SNED1: variants seen among roughly 807,000 people sequenced by gnomAD.
SNED1 encodes the protein sushi, nidogen and EGF-like domain-containing protein 1.
In SNED1, 81 loss-of-function variants were observed where a neutral mutation model predicts 166.7. The observed-to-expected ratio is 0.49, with a 90% CI of 0.41 to 0.58. SNED1 has a LOEUF of 0.58. Among genes scored for constraint, SNED1 ranks in the 20% least tolerant of loss-of-function variants. The pLI, the probability that SNED1 is intolerant of heterozygous loss-of-function variation, is 0.00. For synonymous variants in SNED1, 762 were observed against 822.0 expected, an observed-to-expected ratio of 0.93 and a Z score of 1.25; for missense variants, 1,604 against 2,000.2, an observed-to-expected ratio of 0.80 and a Z score of 3.78.
rs1164474526 is a variant in SNED1 at position 241,018,993 on chromosome 2, T to C, written c.214-11291T>C. 6.6e-6 allele frequency among the ~76,000 whole-genome samples: 1 copy of C among 152,144 alleles called. No individual in the cohort carries two copies. The highest frequency in any genetic ancestry group is 1.5e-5 in the Non-Finnish European group (1 of 68,030). On this transcript the variant is annotated intron_variant, in intron 1 of 31. Transcript: ENST00000310397. The surrounding 1 kb of genome is among the most constrained non-coding windows in gnomAD (Gnocchi z 5.4). The stretch of plus-strand genomic sequence containing the variant: ...CGCAGAGGCCCCACATTTTGTCCTG[T>C]CATTACCCAAAGGGTGGCCAAGCGG...
chr2:241,066,637 G>A (rs549016958), intron 21 of SNED1, among the ~76,000 whole-genome samples: 1 of 147,932 alleles, frequency 6.8e-6, no homozygotes, highest in Non-Finnish European at 1.5e-5. Context: ...TGGATGGATG[G>A]GTGGGTGGGT....
In SNED1 at chr2:241,033,866, C is replaced by T. The variant is rs1322302916; in HGVS notation, c.633C>T (p.Ile211=). 4 of 1,602,680 alleles carry T rather than the reference C, an allele frequency of 2.5e-6. No individual in the cohort carries two copies. The highest frequency in any genetic ancestry group is 4.5e-5 in the East Asian group (2 of 44,472). The part of the protein sequence containing the change: ...SGGNATGLGG[I]AAQAGFNAGD... ...GCAACGCCACTGGCCTCGGGGGCAT[C>T]GCAGCCCAGGTAGGCGAGTGCAGTC... Residue 211 remains isoleucine (I), a synonymous_variant, in exon 3 of 32, where the codon ATC becomes ATT. Transcript: ENST00000310397.
At chr2:241,057,264 A>G (rs1219580668) in intron 16 of SNED1, among the ~76,000 whole-genome samples, 2 of 151,838 alleles carry the variant, frequency 1.3e-5, no homozygotes, top group East Asian at 3.9e-4. Flanking sequence ...CTGTAATCTC[A>G]GCTACTCAGG....
Position 241,070,033 on chromosome 2 carries a change from A to G in SNED1, c.3421A>G (p.Thr1141Ala). The change falls in exon 24 of 32, where the codon ACC becomes GCC. Residue 1141 changes from threonine (T) to alanine (A), a missense_variant. Coordinates refer to ENST00000310397, the MANE Select transcript of SNED1 (RefSeq NM_001080437.3). ...GCTGGAGGCTTATGTCATCAATGTG[A>G]CCACCAGCCAGAGCACCAAGAGCCG... is the stretch of plus-strand genomic sequence containing the variant. Reference protein sequence around the residue: ...SLLEAYVINVTTSQSTKSRYV... With the variant: ...SLLEAYVINVATSQSTKSRYV... The G allele has an allele frequency of 1.2e-6, 2 of 1,612,940 alleles. No homozygotes were observed. The highest frequency in any genetic ancestry group is 1.7e-6 in the Non-Finnish European group (2 of 1,179,882).
At chr2:241,017,206 C>T (rs1205284339) in intron 1 of SNED1, among the ~76,000 whole-genome samples, 2 of 152,156 alleles carry the variant, frequency 1.3e-5, no homozygotes, top group Non-Finnish European at 2.9e-5. Flanking sequence ...GGATTGTACC[C>T]TTCTTACAAA....
At chr2:241,078,641 AG>A (rs1294577876) in intron 27 of SNED1, among the ~76,000 whole-genome samples, 3 of 151,702 alleles carry the variant, frequency 2.0e-5, no homozygotes, top group Non-Finnish European at 2.9e-5. Flanking sequence ...TGGAGGGTGG[AG>A]GGGATGGGGA....
At chr2:241,000,115 A>G (rs2060033112) in intron 1 of SNED1, among the ~76,000 whole-genome samples, 1 of 152,038 alleles carries the variant, frequency 6.6e-6, no homozygotes, top group Admixed American at 6.6e-5. Context: ...CACCAGCAGC[A>G]CTGCCTCCAC....
chr2:241,051,493 C>T lies in SNED1; in HGVS notation c.1736-251C>T. Reference sequence around the variant, plus strand: ...AGGAAGGGCCCAGCCATTGCCAGAGCCTGGGCAGAAAAGAGGACAGGCAAG... The same window carrying T: ...AGGAAGGGCCCAGCCATTGCCAGAGTCTGGGCAGAAAAGAGGACAGGCAAG... On this transcript the variant is annotated intron_variant, in intron 12 of 31. Transcript: ENST00000310397. This position sits in a 1 kb window ranked among gnomAD's most constrained non-coding sequence, Gnocchi z 4.7. 1 of 393,730 alleles carries T rather than the reference C, an allele frequency of 2.5e-6. No homozygotes were observed. Among genetic ancestry groups the T allele is most frequent in the Admixed American group, 4.1e-5 (1 of 24,236 alleles). The allele number at this position is 393,730 out of a possible 1,614,324, so 24.4% of individuals were successfully genotyped here.
At chr2:241,087,349 T>C (rs760773814) in intron 29 of SNED1, 43 bp from the exon 30 acceptor site, 1 of 1,548,778 alleles carries the variant, frequency 6.5e-7, no homozygotes, top group South Asian at 1.2e-5. Flanking sequence ...TGGCAACATT[T>C]TGCTTCACTG....
intron 17 of SNED1, 108 bp from the exon 18 acceptor site, chr2:241,063,479 A>C (rs1157053931): frequency 1.3e-6 from 1 of 770,394 alleles, no homozygotes; most frequent in Non-Finnish European, 2.3e-6. Flanking sequence ...AGTTGCTCCC[A>C]GCTGGGAAAG....
At chr2:241,090,292 A>G in intron 31 of SNED1, 2 of 1,548,422 alleles carry the variant, frequency 1.3e-6, no homozygotes, top group Non-Finnish European at 1.7e-6. Flanking sequence ...GGGCAGGATC[A>G]TCCATGTCAC....
At chr2:241,086,471 A>G (rs2063580385) in intron 29 of SNED1, among the ~76,000 whole-genome samples, 2 of 152,192 alleles carry the variant, frequency 1.3e-5, no homozygotes, top group Admixed American at 6.5e-5. Context: ...GATGCCATCC[A>G]AAAACTTCTC....
rs187272385 is a variant in SNED1 at position 241,014,549 on chromosome 2, A to G, written c.213+15499A>G. 3.3e-3 allele frequency among the ~76,000 whole-genome samples: 503 copies of G among 152,212 alleles called. 2 individuals are homozygous for G. Among genetic ancestry groups the G allele is most frequent in the Middle Eastern group, 6.8e-3 (2 of 294 alleles). Reference sequence around the variant, plus strand: ...AGCCAGTCTCATATGTTCACTTACCATTGGATTTCATCTTTTGTGGAGTGA... The same window carrying G: ...AGCCAGTCTCATATGTTCACTTACCGTTGGATTTCATCTTTTGTGGAGTGA... On this transcript the variant is annotated intron_variant, in intron 1 of 31. Coordinates refer to ENST00000310397, the MANE Select transcript of SNED1 (RefSeq NM_001080437.3).
intron 16 of SNED1, among the ~76,000 whole-genome samples, chr2:241,057,489 T>C (rs926116541): frequency 1.3e-5 from 2 of 149,252 alleles, no homozygotes; most frequent in Admixed American, 1.3e-4. Flanking sequence ...TCAAGACCAG[T>C]CTGGGCCACA....
intron 27 of SNED1, among the ~76,000 whole-genome samples, chr2:241,077,331 A>G (rs2063074868): frequency 1.3e-5 from 2 of 152,190 alleles, no homozygotes. Flanking sequence ...AGAAGAAAAC[A>G]TAGGAGTAAA....
At chr2:241,008,509 A>G (rs2060289910) in intron 1 of SNED1, among the ~76,000 whole-genome samples, 1 of 152,190 alleles carries the variant, frequency 6.6e-6, no homozygotes, top group African/African-American at 2.4e-5. Flanking sequence ...AGCTCTGGGC[A>G]GATCCAAGGG....
At chr2:241,021,009 A>C (rs1332695112) in intron 1 of SNED1, among the ~76,000 whole-genome samples, 1 of 152,158 alleles carries the variant, frequency 6.6e-6, no homozygotes, top group East Asian at 1.9e-4. Context: ...TCCATCCTCA[A>C]GCTCACTTAA....
rs1201367646 is a variant in SNED1, at chr2:241,013,234, C to T, written c.213+14184C>T. Among the ~76,000 whole-genome samples the T allele has an allele frequency of 1.3e-5, 2 of 152,196 alleles. No homozygotes were observed. The highest frequency in any genetic ancestry group is 2.9e-5 in the Non-Finnish European group (2 of 68,038). On this transcript the variant is annotated intron_variant, in intron 1 of 31. Coordinates refer to ENST00000310397, the MANE Select transcript of SNED1 (RefSeq NM_001080437.3). The surrounding 1 kb of genome is among the most constrained non-coding windows in gnomAD (Gnocchi z 4.6). Reference sequence around the variant, plus strand: ...GGTTTGCACCCTCCAATCAACATTTCCCCATTTCCCACCTCAGCCCCTGGT... The same window carrying T: ...GGTTTGCACCCTCCAATCAACATTTTCCCATTTCCCACCTCAGCCCCTGGT...
Position 241,065,593 on chromosome 2 carries a change from C to T in SNED1, c.3008C>T (p.Thr1003Met), listed in dbSNP as rs1322599474. 22 of 1,610,816 alleles carry T rather than the reference C, an allele frequency of 1.4e-5. No homozygotes were observed. The highest frequency in any genetic ancestry group is 2.7e-5 in the African/African-American group (2 of 74,890). Residue 1003 changes from threonine to methionine, a missense_variant and splice_region_variant, in exon 21 of 32, where the codon ACG becomes ATG. Physicochemically the swap from Thr to Met is moderately conservative, Grantham distance 81. Around this residue, in one of 2 missense-constraint regions of SNED1, gnomAD observed 1,237 missense variants for 1,620.8 expected, o/e 0.76. Transcript: ENST00000310397. ...AGGCCTGCCGTGCTGCTGGCCCGCA[C>T]GCGTGAGTGTCCCCGAGCCTGGCCG... ...ISRPAVLLARTRPRPVEGFEV... is the reference protein window; with the variant it reads ...ISRPAVLLARMRPRPVEGFEV...
Sources: gnomAD v4.1 joint callset for allele counts (sites outside exome capture counted in the v4.1 genomes callset) on GRCh38, gnomAD v4.1.1 for gene constraint, gnomAD v4.1.1 regional missense constraint, Gnocchi (gnomAD v3.1) non-coding constraint, MANE v1.5 for transcripts, NCBI Gene and HGNC (gene_info 2026-07-23, HGNC 2026-07-21) for gene names.